The following GRID2 variants were observed in gnomAD, a reference collection of about 807,000 sequenced individuals.
GRID2 encodes the protein glutamate receptor ionotropic, delta-2.
A neutral mutation model predicts 114.8 loss-of-function variants in GRID2; 33 were observed. The ratio of observed to expected loss-of-function variants is 0.29; its 90% confidence interval spans 0.22 to 0.38. The LOEUF (loss-of-function observed/expected upper bound fraction) is 0.38, where lower values mean the gene tolerates loss of function less well. Ranked by LOEUF, GRID2 falls within the 10% of genes least tolerant of loss-of-function variation. GRID2 has a pLI of 1.00. For missense variants in GRID2, 1,184 were observed against 1,257.7 expected, an observed-to-expected ratio of 0.94 and a Z score of 0.89; for synonymous variants, 505 against 449.9, an observed-to-expected ratio of 1.12 and a Z score of -1.55.
chr4:92,496,002 C>T (rs1453198365), intron 1 of GRID2, among the ~76,000 whole-genome samples: 1 of 151,778 alleles, frequency 6.6e-6, no homozygotes, highest in African/African-American at 2.4e-5. Flanking sequence ...TATGTATGAA[C>T]TGAATTTGTA....
At chr4:93,019,754 A>G (rs1327102861) in intron 2 of GRID2, among the ~76,000 whole-genome samples, 1 of 152,078 alleles carries the variant, frequency 6.6e-6, no homozygotes, top group Admixed American at 6.6e-5. Flanking sequence ...TTGGCTCCAG[A>G]TGCTCTCTTT....
chr4:92,366,898 G>GA (rs1004894193), intron 1 of GRID2, among the ~76,000 whole-genome samples: 9 of 151,752 alleles, frequency 5.9e-5, no homozygotes, highest in Non-Finnish European at 8.8e-5. Context: ...CTGTGTGCTG[G>GA]AAAAAAAATA....
At chr4:93,549,487 C>T (rs1479881448) in intron 13 of GRID2, among the ~76,000 whole-genome samples, 1 of 152,124 alleles carries the variant, frequency 6.6e-6, no homozygotes, top group African/African-American at 2.4e-5. Flanking sequence ...GTGTTTGAAG[C>T]AAATTCATCG....
At chr4:92,837,167 T>A (rs1197384421) in intron 2 of GRID2, among the ~76,000 whole-genome samples, 2 of 152,026 alleles carry the variant, frequency 1.3e-5, no homozygotes, top group Non-Finnish European at 2.9e-5. Context: ...AAGCAGGAAC[T>A]CTGAATGGTA....
intron 12 of GRID2, among the ~76,000 whole-genome samples, chr4:93,511,560 G>T (rs1427892066): frequency 6.6e-6 from 1 of 152,084 alleles, no homozygotes; most frequent in Non-Finnish European, 1.5e-5. Flanking sequence ...ACCACTTAGA[G>T]CTATAGACAC....
At chr4:92,394,977 G>A (rs1730423512) in intron 1 of GRID2, among the ~76,000 whole-genome samples, 1 of 151,266 alleles carries the variant, frequency 6.6e-6, no homozygotes, top group African/African-American at 2.4e-5. Context: ...ATAATAAAAA[G>A]GAATCTATAC....
At position 93,742,055 on chromosome 4, in the gene GRID2, A is replaced by T. The variant is rs150142657; in HGVS notation, c.2361-27155A>T. Reference sequence around the variant, plus strand: ...GGAAATAGAGCAAGGGAAATGTGAGATTTTACTTTTTAATCAATACAATTA... The same window carrying T: ...GGAAATAGAGCAAGGGAAATGTGAGTTTTTACTTTTTAATCAATACAATTA... On this transcript the variant is annotated intron_variant, in intron 14 of 15. Coordinates refer to ENST00000282020, the MANE Select transcript of GRID2 (RefSeq NM_001510.4). Among the ~76,000 whole-genome samples the T allele has an allele frequency of 2.6e-3, 390 of 152,186 alleles. 1 individual carries two copies. The highest frequency in any genetic ancestry group is 3.7e-3 in the Non-Finnish European group (253 of 67,986).
intron 8 of GRID2, among the ~76,000 whole-genome samples, chr4:93,394,699 G>A (rs1211396640): frequency 6.6e-6 from 1 of 151,990 alleles, no homozygotes. Flanking sequence ...TGCGGAATAT[G>A]TTCCCAAATG....
intron 13 of GRID2, among the ~76,000 whole-genome samples, chr4:93,602,235 T>G (rs1469380860): frequency 1.3e-5 from 2 of 152,162 alleles, no homozygotes; most frequent in African/African-American, 4.8e-5. Flanking sequence ...AAATGCTGAG[T>G]TTTTCCTTAA....
intron 2 of GRID2, among the ~76,000 whole-genome samples, chr4:93,043,095 G>A (rs1207077179): frequency 1.3e-5 from 2 of 152,132 alleles, no homozygotes; most frequent in African/African-American, 4.8e-5. Flanking sequence ...ATCAAGGTCT[G>A]TTAATGAATA....
At chr4:93,417,698 G>C (rs545746287) in intron 9 of GRID2, among the ~76,000 whole-genome samples, 43 of 151,908 alleles carry the variant, frequency 2.8e-4, no homozygotes, top group African/African-American at 9.4e-4. Flanking sequence ...TATGTAAATG[G>C]AATCAAAATC....
chr4:92,628,166 G>A (rs1730613494), intron 2 of GRID2, among the ~76,000 whole-genome samples: 1 of 152,040 alleles, frequency 6.6e-6, no homozygotes, highest in South Asian at 2.1e-4. Context: ...ACATTTCTAA[G>A]GATACAACAA....
At chr4:92,932,036 C>T (rs1055635608) in intron 2 of GRID2, among the ~76,000 whole-genome samples, 1 of 150,898 alleles carries the variant, frequency 6.6e-6, no homozygotes, top group Non-Finnish European at 1.5e-5. Context: ...AAGTAGGCAA[C>T]GATTTCATTG....
At chr4:92,863,291 G>T (rs1385312388) in intron 2 of GRID2, among the ~76,000 whole-genome samples, 2 of 151,888 alleles carry the variant, frequency 1.3e-5, no homozygotes, top group African/African-American at 4.8e-5. Flanking sequence ...ATATAATTTT[G>T]CACTGTCCTC....
intron 13 of GRID2, among the ~76,000 whole-genome samples, chr4:93,529,076 A>G (rs1475959658): frequency 1.3e-5 from 2 of 152,164 alleles, no homozygotes; most frequent in African/African-American, 4.8e-5. Context: ...TAAAAAACTT[A>G]AGTCTGTAAT....
At chr4:92,937,777 G>T (rs1187126617) in intron 2 of GRID2, among the ~76,000 whole-genome samples, 1 of 146,468 alleles carries the variant, frequency 6.8e-6, no homozygotes, top group Non-Finnish European at 1.5e-5. Context: ...GGATTGCATT[G>T]AGCCTGTAGA....
At chr4:93,454,085 A>T (rs1389345046) in intron 10 of GRID2, among the ~76,000 whole-genome samples, 2 of 152,054 alleles carry the variant, frequency 1.3e-5, no homozygotes, top group Admixed American at 1.3e-4. Flanking sequence ...TACATATATG[A>T]GTTTGAAAGC....
rs559417279 is a variant in GRID2 at position 93,658,999 on chromosome 4, C to T, written c.2360+32564C>T. On this transcript the variant is annotated intron_variant, in intron 14 of 15. Transcript: ENST00000282020. ...CAGGGCCCTGGAGCAAGCATTTGAA[C>T]GGAGGCCTTAATGGACTTAAGGGCA... 2.9e-4 allele frequency among the ~76,000 whole-genome samples: 44 copies of T among 152,152 alleles called. No individual in the cohort carries two copies. In the East Asian group the frequency reaches 5.6e-3, roughly 19 times the overall value.
chr4:92,495,429 AATTTT>A (rs1353240250), intron 1 of GRID2, among the ~76,000 whole-genome samples: 2 of 151,992 alleles, frequency 1.3e-5, no homozygotes, highest in African/African-American at 4.8e-5. Flanking sequence ...AGAATGAAAT[AATTTT>A]AGGTGGCTAA....
Sources: gnomAD v4.1 joint callset for allele counts (sites outside exome capture counted in the v4.1 genomes callset) on GRCh38, gnomAD v4.1.1 for gene constraint, MANE v1.5 for transcripts, NCBI Gene and HGNC (gene_info 2026-07-23, HGNC 2026-07-21) for gene names.